Variants in BSND observed in about 807,000 individuals in gnomAD.
BSND encodes barttin CLCNK type accessory subunit beta, also known as barttin.
A neutral mutation model predicts 18.8 loss-of-function variants in BSND; 13 were observed. The observed-to-expected ratio is 0.69, with a 90% confidence interval of 0.45 to 1.10. The LOEUF (loss-of-function observed/expected upper bound fraction) is 1.10. BSND is among the 50% of genes least tolerant of loss of function. The pLI, the probability that BSND is intolerant of heterozygous loss-of-function variation, is 0.00. For synonymous variants in BSND, 170 were observed against 161.8 expected (o/e 1.05, Z -0.39); for missense variants, 379 against 416.7 (o/e 0.91, Z 0.79).
chr1:55,008,295 C>T lies in BSND; in HGVS notation c.630C>T (p.Ser210=). Residue 210 remains serine (S), a synonymous_variant, in exon 4 of 4, where the codon AGC becomes AGT. Coordinates refer to ENST00000651561, the MANE Select transcript of BSND (RefSeq NM_057176.3). Reference sequence around the variant, plus strand: ...ACATGGACTCCAGTGAAGGCAGCAGCCCCAATGCATCTCCACATGACAGGG... The same window carrying T: ...ACATGGACTCCAGTGAAGGCAGCAGTCCCAATGCATCTCCACATGACAGGG... The part of the protein sequence containing the change: ...DLDMDSSEGS[S]PNASPHDREE... 2 of 1,614,222 alleles carry T rather than the reference C, an allele frequency of 1.2e-6. No homozygotes were observed. The highest frequency in any genetic ancestry group is 1.7e-6 in the Non-Finnish European group (2 of 1,180,042).
Position 55,015,593 on chromosome 1 carries a change from G to C in BSND, c.*6965G>C, listed in dbSNP as rs181618299. On this transcript the variant is annotated 3_prime_UTR_variant, in exon 4 of 4. Transcript: ENST00000651561. Reference sequence around the variant, plus strand: ...GGGGATCAGATCAGCAAGCCTGGGGGTAAGGAGGGCTAGATTTTATCTAGT... The same window carrying C: ...GGGGATCAGATCAGCAAGCCTGGGGCTAAGGAGGGCTAGATTTTATCTAGT... Among the ~76,000 whole-genome samples, 2 of 152,338 alleles carry C rather than the reference G, an allele frequency of 1.3e-5. No homozygotes were observed. The highest frequency in any genetic ancestry group is 4.8e-5 in the African/African-American group (2 of 41,568).
chr1:55,011,175 G>C lies in BSND; in HGVS notation c.*2547G>C, dbSNP rs1400432489. 6.6e-6 allele frequency: 1 copy of C among 152,324 alleles called. No homozygotes were observed. Among genetic ancestry groups the C allele is most frequent in the Non-Finnish European group, 1.5e-5 (1 of 68,110 alleles). The allele number at this position is 152,324 out of a possible 1,614,324, so 9.4% of individuals were successfully genotyped here. A position where few individuals can be genotyped will look rare whatever the true frequency, so the allele number is the denominator to read the frequency against. ...GTTCTAGAGTTAGCATCTGCAGGGG[G>C]CTTGGGGTAGTGGAGTGAGATGGTG... On this transcript the variant is annotated 3_prime_UTR_variant, in exon 4 of 4. Transcript: ENST00000651561.
At chr1:55,004,343 A>G (rs1216245827) in intron 1 of BSND, among the ~76,000 whole-genome samples, 1 of 152,246 alleles carries the variant, frequency 6.6e-6, no homozygotes, top group Non-Finnish European at 1.5e-5. Flanking sequence ...AGAGGAGCAC[A>G]GAGAGACTGC....
rs925127626 is a variant in BSND, at chr1:55,014,736, G to C, written c.*6108G>C. On this transcript the variant is annotated 3_prime_UTR_variant, in exon 4 of 4. Coordinates refer to ENST00000651561, the MANE Select transcript of BSND (RefSeq NM_057176.3). ...CTAGAACCATCCTCAGAAAAGTCTG[G>C]GATGGCCTGGGTTTTGCATAAGCAA... Among the ~76,000 whole-genome samples, 1 of 152,170 alleles carries C rather than the reference G, an allele frequency of 6.6e-6. No homozygotes were observed. Among genetic ancestry groups the C allele is most frequent in the Non-Finnish European group, 1.5e-5 (1 of 68,038 alleles).
rs887851650 is a variant in BSND at position 55,008,085 on chromosome 1, T to A, written c.549-129T>A. On this transcript the variant is annotated intron_variant, in intron 3 of 3. Coordinates refer to ENST00000651561, the MANE Select transcript of BSND (RefSeq NM_057176.3). ...AAAGAACTGCAGGAGTGAATTCTGT[T>A]ATTGGGAAGAAACTGAGGCCCGGGA... is the stretch of plus-strand genomic sequence containing the variant. 12 of 750,414 alleles carry A rather than the reference T, an allele frequency of 1.6e-5. No individual in the cohort carries two copies. In the African/African-American group the frequency reaches 1.9e-4, roughly 12 times the overall value. 46.5% of individuals were successfully genotyped at this position (750,414 alleles called of 1,614,324 possible).
intron 1 of BSND, among the ~76,000 whole-genome samples, chr1:55,003,442 C>A (rs148284018): frequency 1.3e-5 from 2 of 152,048 alleles, no homozygotes. Context: ...TTCTTCATTG[C>A]CCAGGAGCTC....
rs1483331621 is a variant in BSND, at chr1:55,008,162, C to T, written c.549-52C>T. The T allele has an allele frequency of 5.2e-6, 8 of 1,526,534 alleles. No individual in the cohort carries two copies. In the Admixed American group the frequency reaches 6.8e-5, roughly 13 times the overall value. The allele number at this position is 1,526,534 out of a possible 1,614,324, so 94.6% of individuals were successfully genotyped here. ...GCAGCTAGCGGCTGGAATGTGGACC[C>T]AGGCATTCTGACTCAGAGATACCCT... On this transcript the variant is annotated intron_variant, in intron 3 of 3. Coordinates refer to ENST00000651561, the MANE Select transcript of BSND (RefSeq NM_057176.3).
chr1:55,007,904 C>T (rs1644399879), intron 3 of BSND, among the ~76,000 whole-genome samples: 1 of 152,188 alleles, frequency 6.6e-6, no homozygotes, highest in Non-Finnish European at 1.5e-5. Context: ...TGTAACTGGG[C>T]CTATGAGCAA....
At chr1:55,002,967 G>A (rs1481571744) in intron 1 of BSND, among the ~76,000 whole-genome samples, 3 of 88 alleles carry the variant, frequency 0.034, no homozygotes, top group Non-Finnish European at 0.059. Flanking sequence ...GGTGATAATG[G>A]TGATGATGAT....
rs1644453942 is a variant in BSND, at chr1:55,016,833, T to C, written c.*8205T>C. Among the ~76,000 whole-genome samples the C allele has an allele frequency of 6.6e-6, 1 of 152,156 alleles. No homozygotes were observed. The highest frequency in any genetic ancestry group is 2.4e-5 in the African/African-American group (1 of 41,428). On this transcript the variant is annotated 3_prime_UTR_variant, in exon 4 of 4. Transcript: ENST00000651561. Reference sequence around the variant, plus strand: ...ATAGCGTTGATGATGGTAGATGAAATGTGGAAAGAATCTCAATGTTCAGCA... The same window carrying C: ...ATAGCGTTGATGATGGTAGATGAAACGTGGAAAGAATCTCAATGTTCAGCA...
chr1:55,012,119 G>GGAA lies in BSND; in HGVS notation c.*3493_*3495dup, dbSNP rs1173651084. The stretch of plus-strand genomic sequence containing the variant: ...CCCTTAACTGGAAAGGGTGGGCAAG[G>GGAA]GAAGGCAGGGGGCCCAGGGGCAGGG... On this transcript the variant is annotated 3_prime_UTR_variant, in exon 4 of 4. Transcript: ENST00000651561. Among the ~76,000 whole-genome samples, 7 of 152,164 alleles carry GGAA rather than the reference G, an allele frequency of 4.6e-5. No homozygotes were observed. Among genetic ancestry groups the GGAA allele is most frequent in the Admixed American group, 1.3e-4 (2 of 15,292 alleles).
chr1:55,008,782 G>T lies in BSND; in HGVS notation c.*154G>T, dbSNP rs940885350. On this transcript the variant is annotated 3_prime_UTR_variant, in exon 4 of 4. Transcript: ENST00000651561. Reference sequence around the variant, plus strand: ...ATGGTAAAGAAATACACAGGGAGGGGATGATGACTATTAGTGGACTCTTGT... The same window carrying T: ...ATGGTAAAGAAATACACAGGGAGGGTATGATGACTATTAGTGGACTCTTGT... The T allele has an allele frequency of 9.6e-6, 11 of 1,145,258 alleles. No individual in the cohort carries two copies. The highest frequency in any genetic ancestry group is 1.4e-5 in the Non-Finnish European group (11 of 787,346). 70.9% of individuals were successfully genotyped at this position (1,145,258 alleles called of 1,614,324 possible).
At chr1:55,005,197 G>T in intron 2 of BSND, 81 bp downstream of exon 2, 17 of 1,322,022 alleles carry the variant, frequency 1.3e-5, no homozygotes, top group Non-Finnish European at 1.8e-5. Flanking sequence ...GAGAGGGAGG[G>T]CAGGAAGGCT....
chr1:55,000,688 G>T (rs752632687), intron 1 of BSND, among the ~76,000 whole-genome samples: 4 of 152,228 alleles, frequency 2.6e-5, no homozygotes, highest in Admixed American at 2.6e-4. Context: ...GTGCTGGAGC[G>T]GTCTGGGCTG....
rs1371760791 is a variant in BSND, at chr1:55,015,773, C to T, written c.*7145C>T. On this transcript the variant is annotated 3_prime_UTR_variant, in exon 4 of 4. Coordinates refer to ENST00000651561, the MANE Select transcript of BSND (RefSeq NM_057176.3). ...AACCTCTACTACCCCGGGCTAACTG[C>T]AGAGTGAACAGTGACAGGTCAGTGC... Among the ~76,000 whole-genome samples the T allele has an allele frequency of 6.6e-6, 1 of 152,192 alleles. No individual in the cohort carries two copies. The highest frequency in any genetic ancestry group is 2.4e-5 in the African/African-American group (1 of 41,440).
At position 55,015,894 on chromosome 1, in the gene BSND, T is replaced by C. The variant is rs987664272; in HGVS notation, c.*7266T>C. On this transcript the variant is annotated 3_prime_UTR_variant, in exon 4 of 4. Coordinates refer to ENST00000651561, the MANE Select transcript of BSND (RefSeq NM_057176.3). ...TCCCACCAAGCTATGTCCTGAAGGA[T>C]TCGCTAGGGAAGAGCAGGGAGGGAG... is the stretch of plus-strand genomic sequence containing the variant. Among the ~76,000 whole-genome samples the C allele has an allele frequency of 7.2e-5, 11 of 152,110 alleles. No homozygotes were observed. Among genetic ancestry groups the C allele is most frequent in the Admixed American group, 2.6e-4 (4 of 15,276 alleles).
At position 55,012,355 on chromosome 1, in the gene BSND, A is replaced by G. The variant is rs1644426747; in HGVS notation, c.*3727A>G. Among the ~76,000 whole-genome samples, 1 of 151,976 alleles carries G rather than the reference A, an allele frequency of 6.6e-6. No individual in the cohort carries two copies. Among genetic ancestry groups the G allele is most frequent in the Non-Finnish European group, 1.5e-5 (1 of 67,978 alleles). ...ACAGCCCTGGGGGACCGATCTGTCG[A>G]CCCCACATTGCAAATGTTTGTTATA... On this transcript the variant is annotated 3_prime_UTR_variant, in exon 4 of 4. Transcript: ENST00000651561.
At chr1:55,003,765 C>T (rs968946954) in intron 1 of BSND, among the ~76,000 whole-genome samples, 9 of 152,184 alleles carry the variant, frequency 5.9e-5, no homozygotes, top group African/African-American at 2.2e-4. Flanking sequence ...TGCTGGGGAC[C>T]ATGCTGAGGG....
intron 3 of BSND, among the ~76,000 whole-genome samples, chr1:55,007,970 A>AGG (rs1351983422): frequency 6.6e-6 from 1 of 152,240 alleles, no homozygotes; most frequent in Non-Finnish European, 1.5e-5. Flanking sequence ...TTCAGATAAT[A>AGG]GCATAGTAAT....
Sources: allele counts gnomAD v4.1 joint callset (sites outside exome capture counted in the v4.1 genomes callset), GRCh38; gene constraint gnomAD v4.1.1; transcripts MANE v1.5; gene names NCBI Gene and HGNC (gene_info 2026-07-23, HGNC 2026-07-21).